BLMH: variants seen among roughly 807,000 people sequenced by gnomAD.
BLMH encodes the protein bleomycin hydrolase.
In BLMH, 32 loss-of-function variants were observed where a neutral mutation model predicts 61.6. That is an observed-to-expected ratio of 0.52 (90% CI 0.39 to 0.70). The LOEUF (loss-of-function observed/expected upper bound fraction) is 0.70. BLMH is among the 30% of genes least tolerant of loss of function. BLMH has a pLI of 0.00. For synonymous variants in BLMH, 183 were observed against 193.8 expected (o/e 0.94, Z 0.46); for missense variants, 460 against 555.5 (o/e 0.83, Z 1.73).
intron 7 of BLMH, chr17:30,273,112 T>G (rs1211141140): frequency 5.7e-6 from 3 of 530,112 alleles, no homozygotes; most frequent in Non-Finnish European, 9.8e-6. Context: ...AGAGACACAA[T>G]TAGGAGGTGC....
chr17:30,256,122 A>G (rs956943018), intron 11 of BLMH, among the ~76,000 whole-genome samples: 8 of 152,040 alleles, frequency 5.3e-5, no homozygotes, highest in Middle Eastern at 6.8e-3. Context: ...CCTGGGCTCA[A>G]GCAATCCTCC....
chr17:30,283,551 C>T (rs1908647806), intron 6 of BLMH, among the ~76,000 whole-genome samples: 1 of 132,512 alleles, frequency 7.5e-6, no homozygotes, highest in Non-Finnish European at 1.5e-5. Flanking sequence ...GAGACGGAGT[C>T]TCACTCTGTC....
At position 30,278,760 on chromosome 17, in the gene BLMH, C is replaced by G. The variant is rs567525076; in HGVS notation, c.646-4563G>C. 1.1e-4 allele frequency among the ~76,000 whole-genome samples: 16 copies of G among 152,324 alleles called. No homozygotes were observed. In the South Asian group the frequency reaches 3.3e-3, roughly 32 times the overall value. On this transcript the variant is annotated intron_variant, in intron 6 of 11. Coordinates refer to ENST00000261714, the MANE Select transcript of BLMH (RefSeq NM_000386.4). ...TCTCGGCTCGCTGCAACCTCTGCCT[C>G]CCAGGTTCAAGCATTTCTCATGCCT...
intron 5 of BLMH, among the ~76,000 whole-genome samples, chr17:30,286,035 A>G (rs1398935658): frequency 1.3e-5 from 2 of 152,240 alleles, no homozygotes; most frequent in African/African-American, 4.8e-5. Context: ...CAAATGCCGT[A>G]CTATTAATGA....
At chr17:30,289,710 T>A (rs1908831141) in intron 2 of BLMH, among the ~76,000 whole-genome samples, 1 of 152,200 alleles carries the variant, frequency 6.6e-6, no homozygotes, top group Admixed American at 6.5e-5. Flanking sequence ...ACGTATCAAA[T>A]AAAGAATCCA....
Position 30,257,594 on chromosome 17 carries a change from C to T in BLMH, c.1217-8426G>A, listed in dbSNP as rs181126944. ...TTTTGGAACAATGTAATTTCATTAT[C>T]TATTAAAAGAATTACACTTTAGAAA... On this transcript the variant is annotated intron_variant, in intron 11 of 11. Coordinates refer to ENST00000261714, the MANE Select transcript of BLMH (RefSeq NM_000386.4). 2.3e-3 allele frequency among the ~76,000 whole-genome samples: 355 copies of T among 152,184 alleles called. 1 individual carries two copies. The highest frequency in any genetic ancestry group is 5.0e-3 in the South Asian group (24 of 4,818).
At chr17:30,290,586 G>A (rs1251803407) in intron 2 of BLMH, among the ~76,000 whole-genome samples, 1 of 152,190 alleles carries the variant, frequency 6.6e-6, no homozygotes, top group East Asian at 1.9e-4. Flanking sequence ...CTTCCTGTCC[G>A]TATAGATAGA....
At chr17:30,288,944 G>A (rs1366176074) in intron 3 of BLMH, among the ~76,000 whole-genome samples, 1 of 152,128 alleles carries the variant, frequency 6.6e-6, no homozygotes, top group African/African-American at 2.4e-5. Flanking sequence ...TCTAGCCCGG[G>A]TGGCAGGGTG....
chr17:30,248,934 C>T lies in BLMH; in HGVS notation c.*83G>A. The T allele has an allele frequency of 6.6e-7, 1 of 1,525,284 alleles. No homozygotes were observed. The highest frequency in any genetic ancestry group is 1.2e-5 in the South Asian group (1 of 81,166). The allele number at this position is 1,525,284 out of a possible 1,614,324, so 94.5% of individuals were successfully genotyped here. On this transcript the variant is annotated 3_prime_UTR_variant, in exon 12 of 12. Coordinates refer to ENST00000261714, the MANE Select transcript of BLMH (RefSeq NM_000386.4). ...TCCTGTGGCAACACACAGTCCCTTG[C>T]ATAACTTTGGCTTCAGTCCCTGGAT...
chr17:30,290,194 T>C (rs1359682435), intron 2 of BLMH, among the ~76,000 whole-genome samples: 1 of 152,230 alleles, frequency 6.6e-6, no homozygotes, highest in African/African-American at 2.4e-5. Context: ...TATATATTTC[T>C]AGTAGAGGGG....
In BLMH at chr17:30,274,118, T is replaced by A. The variant is rs1908353679; in HGVS notation, c.725A>T (p.Tyr242Phe). 6.2e-7 allele frequency: 1 copy of A among 1,614,104 alleles called. No homozygotes were observed. The highest frequency in any genetic ancestry group is 8.5e-7 in the Non-Finnish European group (1 of 1,180,024). The change falls in exon 7 of 12, where the codon TAT (tyrosine) becomes TTT (phenylalanine). Residue 242 changes from tyrosine (Y) to phenylalanine (F), a missense_variant. This residue lies in a region of BLMH where 310 missense variants were observed against 371.1 expected (regional missense o/e 0.84). Coordinates refer to ENST00000261714, the MANE Select transcript of BLMH (RefSeq NM_000386.4). Reference protein sequence around the residue: ...TWEYRDKDKNYQKIGPITPLE... With the variant: ...TWEYRDKDKNFQKIGPITPLE... ...GGGTGTTATGGGGCCAATTTTCTGA[T>A]AATTTTTATCTTTGTCTCGATATTC...
At chr17:30,277,197 T>C (rs1423932993) in intron 6 of BLMH, among the ~76,000 whole-genome samples, 1 of 152,224 alleles carries the variant, frequency 6.6e-6, no homozygotes, top group East Asian at 1.9e-4. Context: ...CATTAAACCA[T>C]CTCTCTTTTA....
chr17:30,274,487 T>C (rs1051083625), intron 6 of BLMH, among the ~76,000 whole-genome samples: 1 of 152,222 alleles, frequency 6.6e-6, no homozygotes, highest in Admixed American at 6.5e-5. Context: ...TAGCCAAGAA[T>C]CTGTCTACCA....
At chr17:30,264,062 C>T (rs1908033535) in intron 11 of BLMH, among the ~76,000 whole-genome samples, 1 of 152,196 alleles carries the variant, frequency 6.6e-6, no homozygotes, top group Non-Finnish European at 1.5e-5. Context: ...ATACTATGCG[C>T]TCTCCTGAGG....
chr17:30,248,815 T>TC lies in BLMH; in HGVS notation c.*201dup. 1 of 588,492 alleles carries TC rather than the reference T, an allele frequency of 1.7e-6. No homozygotes were observed. 36.5% of individuals were successfully genotyped at this position (588,492 alleles called of 1,614,324 possible). A position where few individuals can be genotyped will look rare whatever the true frequency, so the allele number is the denominator to read the frequency against. Reference sequence around the variant, plus strand: ...GAGAGTAGATAGTATGACCTGATCTTCCCCCCTCTTTTTTTTCCTTTAACA... The same window carrying TC: ...GAGAGTAGATAGTATGACCTGATCTTCCCCCCCTCTTTTTTTTCCTTTAACA... On this transcript the variant is annotated 3_prime_UTR_variant, in exon 12 of 12. Transcript: ENST00000261714.
chr17:30,250,295 C>T (rs76612123), intron 11 of BLMH: 1 of 152,232 alleles, frequency 6.6e-6, no homozygotes, highest in African/African-American at 2.4e-5. Flanking sequence ...AGACAACCCA[C>T]AGAGTGGGAG....
chr17:30,278,862 G>C (rs914069461), intron 6 of BLMH, among the ~76,000 whole-genome samples: 2 of 152,196 alleles, frequency 1.3e-5, no homozygotes, highest in African/African-American at 2.4e-5. Flanking sequence ...GTAGAGACAG[G>C]GTTTTGCCAT....
chr17:30,288,075 A>G, intron 3 of BLMH, 128 bp from the exon 4 acceptor site: 1 of 991,756 alleles, frequency 1.0e-6, no homozygotes, highest in South Asian at 1.8e-5. Flanking sequence ...TCTTTTTAAA[A>G]ACATGAAACC....
rs150144290 is a variant in BLMH at position 30,291,499 on chromosome 17, G to A, written c.23C>T (p.Ser8Leu). The A allele has an allele frequency of 5.3e-5, 86 of 1,614,032 alleles. No homozygotes were observed. The highest frequency in any genetic ancestry group is 7.0e-5 in the Non-Finnish European group (83 of 1,179,996). The change falls in exon 2 of 12, where the codon TCG (serine) becomes TTG (leucine). Residue 8 changes from serine (S) to leucine (L), a missense_variant. Coordinates refer to ENST00000261714, the MANE Select transcript of BLMH (RefSeq NM_000386.4). MSSSGLN[S>L]EKVAALIQKL... is the part of the protein sequence containing the mutation. ...CTGTATCAGAGCAGCTACCTTCTCCGAATTCAGTCCTGTTGGGAGACCAAA... is the reference window on the plus strand; with the variant it reads ...CTGTATCAGAGCAGCTACCTTCTCCAAATTCAGTCCTGTTGGGAGACCAAA...
Sources: allele counts gnomAD v4.1 joint callset (sites outside exome capture counted in the v4.1 genomes callset), GRCh38; gene constraint gnomAD v4.1.1; regional missense constraint gnomAD v4.1.1; transcripts MANE v1.5; gene names NCBI Gene and HGNC (gene_info 2026-07-23, HGNC 2026-07-21).